PRKG1: variants seen among roughly 807,000 people sequenced by gnomAD.
The protein encoded by PRKG1 is protein kinase cGMP-dependent 1.
In PRKG1, 35 loss-of-function variants were observed where a neutral mutation model predicts 88.1. The ratio of observed to expected loss-of-function variants is 0.40; its 90% CI spans 0.30 to 0.53. The LOEUF is 0.53. Ranked by LOEUF, PRKG1 falls within the 20% of genes least tolerant of loss-of-function variation. The pLI is 0.59. For missense variants in PRKG1, 540 were observed against 839.8 expected (o/e 0.64, Z 4.41); for synonymous variants, 303 against 292.5 (o/e 1.04, Z -0.37).
chr10:52,230,572 G>A (rs1417968205), intron 9 of PRKG1, among the ~76,000 whole-genome samples: 1 of 152,184 alleles, frequency 6.6e-6, no homozygotes, highest in Non-Finnish European at 1.5e-5. Context: ...TTTGTCTGAA[G>A]AAGACTGGCT....
rs1000222525 is a variant in PRKG1, at chr10:52,294,058, C to T, written c.*158C>T. The T allele has an allele frequency of 5.4e-6, 3 of 559,706 alleles. No individual in the cohort carries two copies. Among genetic ancestry groups the T allele is most frequent in the African/African-American group, 1.9e-5 (1 of 52,870 alleles). 34.7% of individuals were successfully genotyped at this position (559,706 alleles called of 1,614,324 possible). ...TAACTACAGTGGCATTAGGACTTACCGCTTAGATGACAATAGTGCTCTTTA... is the reference window on the plus strand; with the variant it reads ...TAACTACAGTGGCATTAGGACTTACTGCTTAGATGACAATAGTGCTCTTTA... On this transcript the variant is annotated 3_prime_UTR_variant, in exon 18 of 18. Transcript: ENST00000373980.
At chr10:52,176,563 A>G (rs1471943386) in intron 9 of PRKG1, among the ~76,000 whole-genome samples, 3 of 152,046 alleles carry the variant, frequency 2.0e-5, no homozygotes, top group African/African-American at 7.2e-5. Context: ...GAAGAAGGTT[A>G]TTGATATTTT....
At chr10:51,026,325 T>G (rs767724657) in intron 1 of PRKG1, among the ~76,000 whole-genome samples, 3 of 152,298 alleles carry the variant, frequency 2.0e-5, no homozygotes, top group South Asian at 2.1e-4. Context: ...CCCTCTCTCA[T>G]GCCCTCATGG....
intron 4 of PRKG1, among the ~76,000 whole-genome samples, chr10:51,867,339 C>T (rs1446998180): frequency 1.3e-5 from 2 of 151,986 alleles, no homozygotes; most frequent in African/African-American, 2.4e-5. Context: ...TATCTGTAGC[C>T]ATCAGAAAAT....
At chr10:51,976,723 C>T (rs1843844282) in intron 5 of PRKG1, among the ~76,000 whole-genome samples, 1 of 151,934 alleles carries the variant, frequency 6.6e-6, no homozygotes, top group African/African-American at 2.4e-5. Flanking sequence ...CTGAAAAACA[C>T]TGAACTGTAC....
chr10:52,285,445 A>C (rs1224099879), intron 14 of PRKG1, among the ~76,000 whole-genome samples: 1 of 152,142 alleles, frequency 6.6e-6, no homozygotes, highest in African/African-American at 2.4e-5. Context: ...GGAAACAGCC[A>C]TGATGAAACT....
At chr10:51,593,956 C>T (rs1838376832) in intron 3 of PRKG1, among the ~76,000 whole-genome samples, 1 of 152,186 alleles carries the variant, frequency 6.6e-6, no homozygotes, top group African/African-American at 2.4e-5. Context: ...AACTCCTGAC[C>T]TCAGGTAATC....
intron 3 of PRKG1, among the ~76,000 whole-genome samples, chr10:51,632,586 A>C (rs138471989): frequency 6.6e-6 from 1 of 152,182 alleles, no homozygotes; most frequent in Non-Finnish European, 1.5e-5. Flanking sequence ...AATCGTATCT[A>C]TCTGTTGTCC....
At chr10:51,779,769 T>C (rs1345682356) in intron 3 of PRKG1, among the ~76,000 whole-genome samples, 2 of 152,148 alleles carry the variant, frequency 1.3e-5, no homozygotes, top group African/African-American at 4.8e-5. Flanking sequence ...GCATTCTGAA[T>C]GTTTTTAAGG....
At chr10:52,219,160 G>T (rs10824256) in intron 9 of PRKG1, among the ~76,000 whole-genome samples, 1 of 151,704 alleles carries the variant, frequency 6.6e-6, no homozygotes, top group African/African-American at 2.4e-5. Context: ...AAACATTTAC[G>T]TACTAGGATG....
At chr10:51,737,300 G>A (rs553095531) in intron 3 of PRKG1, among the ~76,000 whole-genome samples, 2 of 152,232 alleles carry the variant, frequency 1.3e-5, no homozygotes, top group South Asian at 2.1e-4. Context: ...TAGCTCAAAC[G>A]CTTTCTTACC....
chr10:50,997,481 T>A (rs7919300), intron 1 of PRKG1, among the ~76,000 whole-genome samples: 5 of 152,156 alleles, frequency 3.3e-5, no homozygotes, highest in African/African-American at 4.8e-5. Context: ...CTGACTACGG[T>A]CCTGTTTCCT....
intron 1 of PRKG1, among the ~76,000 whole-genome samples, chr10:51,106,501 A>G (rs1221182543): frequency 6.6e-6 from 1 of 152,190 alleles, no homozygotes; most frequent in African/African-American, 2.4e-5. Flanking sequence ...AGTCAGCTTC[A>G]TGGACTAGCA....
At chr10:51,448,587 A>C (rs1041272613) in intron 2 of PRKG1, among the ~76,000 whole-genome samples, 8 of 152,072 alleles carry the variant, frequency 5.3e-5, no homozygotes, top group Admixed American at 5.2e-4. Flanking sequence ...ATATTTTTTC[A>C]ATAGCAAACA....
chr10:51,133,085 C>G (rs891513625), intron 1 of PRKG1, among the ~76,000 whole-genome samples: 2 of 152,070 alleles, frequency 1.3e-5, no homozygotes, highest in Non-Finnish European at 2.9e-5. Context: ...GAGAAGTACC[C>G]TCAGTGATGG....
At chr10:52,159,277 T>C (rs1416348115) in intron 8 of PRKG1, among the ~76,000 whole-genome samples, 1 of 151,534 alleles carries the variant, frequency 6.6e-6, no homozygotes, top group Non-Finnish European at 1.5e-5. Flanking sequence ...CACTTTTGTC[T>C]AGTCATAAGA....
chr10:51,862,380 G>A lies in PRKG1; in HGVS notation c.699-45127G>A, dbSNP rs529875944. The stretch of plus-strand genomic sequence containing the variant: ...CAGCACTTTTCACACCCACCATTTG[G>A]TGGGTTCCGGGTTCTTGTCCTATGA... On this transcript the variant is annotated intron_variant, in intron 4 of 17. Coordinates refer to ENST00000373980, the MANE Select transcript of PRKG1 (RefSeq NM_006258.4). Among the ~76,000 whole-genome samples the A allele has an allele frequency of 3.9e-5, 6 of 152,198 alleles. No individual in the cohort carries two copies. In the East Asian group the frequency reaches 1.2e-3, roughly 30 times the overall value.
At chr10:51,545,081 C>A (rs891596660) in intron 3 of PRKG1, among the ~76,000 whole-genome samples, 6 of 151,834 alleles carry the variant, frequency 4.0e-5, no homozygotes, top group African/African-American at 1.5e-4. Flanking sequence ...AGATGTGACT[C>A]ATATTTATTT....
chr10:52,281,619 G>T (rs940496432), intron 13 of PRKG1, among the ~76,000 whole-genome samples: 3 of 152,102 alleles, frequency 2.0e-5, no homozygotes, highest in African/African-American at 7.2e-5. Context: ...CCAGAAAAAT[G>T]AAGAATACAT....
Sources: gnomAD v4.1 joint callset for allele counts (sites outside exome capture counted in the v4.1 genomes callset) on GRCh38, gnomAD v4.1.1 for gene constraint, MANE v1.5 for transcripts, NCBI Gene and HGNC (gene_info 2026-07-23, HGNC 2026-07-21) for gene names.